LGR6: variants seen among roughly 807,000 people sequenced by gnomAD.
The protein encoded by LGR6 is leucine-rich repeat-containing G protein-coupled receptor 6.
LGR6 carries 45 observed loss-of-function variants against 69.4 expected under a neutral mutation model. The observed-to-expected ratio is 0.65, with a 90% CI of 0.51 to 0.83. The LOEUF (loss-of-function observed/expected upper bound fraction) is 0.83. Ranked by LOEUF, LGR6 falls within the 40% of genes least tolerant of loss-of-function variation. The pLI, the probability that LGR6 is intolerant of heterozygous loss-of-function variation, is 0.00. For missense variants in LGR6, 1,108 were observed against 1,246.7 expected (o/e 0.89, Z 1.68); for synonymous variants, 538 against 555.0 (o/e 0.97, Z 0.43).
chr1:202,259,431 A>C (rs1002871193), intron 4 of LGR6, among the ~76,000 whole-genome samples: 4 of 152,092 alleles, frequency 2.6e-5, no homozygotes, highest in African/African-American at 7.2e-5. Context: ...TAACATTTCT[A>C]ATTTCTTCTT....
chr1:202,229,186 G>A (rs918954789), intron 3 of LGR6, among the ~76,000 whole-genome samples: 7 of 152,066 alleles, frequency 4.6e-5, no homozygotes, highest in Non-Finnish European at 8.8e-5. Flanking sequence ...TGTGTTGTTC[G>A]TCTCTGGCCC....
At chr1:202,265,875 G>A (rs1558047720) in intron 4 of LGR6, among the ~76,000 whole-genome samples, 1 of 152,160 alleles carries the variant, frequency 6.6e-6, no homozygotes, top group African/African-American at 2.4e-5. Flanking sequence ...CGTCTTCAGG[G>A]GTCTTCCCAT....
intron 4 of LGR6, among the ~76,000 whole-genome samples, chr1:202,237,413 G>A (rs1365911429): frequency 2.0e-5 from 3 of 152,224 alleles, no homozygotes; most frequent in African/African-American, 7.2e-5. Context: ...GGAGGAGTGA[G>A]GAGAATTTGA....
At position 202,318,464 on chromosome 1, in the gene LGR6, G is replaced by A. The variant is rs1654344974; in HGVS notation, c.2161G>A (p.Ala721Thr). Residue 721 changes from alanine (A) to threonine (T), a missense_variant, in exon 18 of 18, where the codon GCG becomes ACG. By Grantham distance (58) the Ala-to-Thr change is moderately conservative (BLOSUM62 0). Transcript: ENST00000367278. ...GGCCTCCCCACTCTGCCTGCCCTAC[G>A]CGCCACCTGAGGGTCAGCCAGCAGC... ...YGASPLCLPYAPPEGQPAALG... is the reference protein window; with the variant it reads ...YGASPLCLPYTPPEGQPAALG... The A allele has an allele frequency of 5.0e-6, 8 of 1,613,368 alleles. No individual in the cohort carries two copies. Among genetic ancestry groups the A allele is most frequent in the Admixed American group, 1.7e-5 (1 of 60,012 alleles).
intron 4 of LGR6, among the ~76,000 whole-genome samples, chr1:202,275,668 A>G (rs780070172): frequency 1.3e-5 from 2 of 152,160 alleles, no homozygotes; most frequent in Non-Finnish European, 2.9e-5. Context: ...TTGAAGGGAC[A>G]AGGAACAGGT....
At chr1:202,309,530 C>T (rs1378494738) in intron 15 of LGR6, among the ~76,000 whole-genome samples, 1 of 152,276 alleles carries the variant, frequency 6.6e-6, no homozygotes, top group African/African-American at 2.4e-5. Flanking sequence ...CATCTGAGCC[C>T]CTGGAATCAG....
intron 16 of LGR6, among the ~76,000 whole-genome samples, chr1:202,312,903 G>A (rs1198147472): frequency 6.6e-6 from 1 of 152,090 alleles, no homozygotes; most frequent in East Asian, 1.9e-4. Context: ...ACAGGCCCTA[G>A]TTTGAGAAAC....
intron 9 of LGR6, 115 bp downstream of exon 9, chr1:202,301,350 C>G (rs1357943515): frequency 1.1e-6 from 1 of 870,922 alleles, no homozygotes; most frequent in African/African-American, 1.7e-5. Flanking sequence ...AAGTCCACTG[C>G]AAAGCGTGGT....
intron 6 of LGR6, among the ~76,000 whole-genome samples, chr1:202,285,182 A>G (rs1374707694): frequency 6.6e-6 from 1 of 152,210 alleles, no homozygotes; most frequent in Admixed American, 6.5e-5. Context: ...TTTTACTTCA[A>G]CAGCAACTGT....
intron 4 of LGR6, among the ~76,000 whole-genome samples, chr1:202,243,749 G>A (rs117498395): frequency 1.3e-5 from 2 of 152,124 alleles, no homozygotes; most frequent in Admixed American, 6.5e-5. Context: ...CCAAGTGGGA[G>A]CCCTGGGTGA....
At chr1:202,316,740 G>A (rs788797) in intron 17 of LGR6, among the ~76,000 whole-genome samples, 85,697 of 151,848 alleles carry the variant, frequency 0.56, 25,452 homozygotes, top group East Asian at 0.75. Flanking sequence ...TAATAAGAAA[G>A]AAAAGGTTTA....
chr1:202,275,530 A>G (rs1303469305), intron 4 of LGR6, among the ~76,000 whole-genome samples: 1 of 152,154 alleles, frequency 6.6e-6, no homozygotes, highest in African/African-American at 2.4e-5. Flanking sequence ...ATCACCCACC[A>G]TCTGTTCACC....
At chr1:202,204,711 CTAACACACA>C (rs1659031318) in intron 1 of LGR6, among the ~76,000 whole-genome samples, 1 of 133,360 alleles carries the variant, frequency 7.5e-6, no homozygotes, top group Non-Finnish European at 1.6e-5. Flanking sequence ...ACACACACAC[CTAACACACA>C]CCTCCTTCAA....
intron 4 of LGR6, chr1:202,236,288 G>A (rs552363248): frequency 2.2e-4 from 92 of 420,800 alleles, no homozygotes; most frequent in African/African-American, 1.6e-3. Flanking sequence ...GTCCTGGGGC[G>A]ACTGGTGTTC....
intron 6 of LGR6, among the ~76,000 whole-genome samples, chr1:202,281,522 G>C (rs1380742009): frequency 2.0e-5 from 3 of 152,184 alleles, no homozygotes; most frequent in African/African-American, 7.2e-5. Flanking sequence ...AGTGGGCTGA[G>C]TGGGCCCCAC....
In LGR6 at chr1:202,318,344, C is replaced by T. The variant is rs1654329036; in HGVS notation, c.2041C>T (p.Pro681Ser). The T allele has an allele frequency of 6.3e-7, 1 of 1,597,402 alleles. No individual in the cohort carries two copies. Among genetic ancestry groups the T allele is most frequent in the Non-Finnish European group, 8.5e-7 (1 of 1,171,694 alleles). Residue 681 changes from proline (P) to serine (S), a missense_variant, in exon 18 of 18, where the codon CCC (proline) becomes TCC (serine). By Grantham distance (74) the Pro-to-Ser change is moderately conservative. Coordinates refer to ENST00000367278, the MANE Select transcript of LGR6 (RefSeq NM_001017403.2). ...CTGTGTCCGGGCCTATGGGAAGTCC[C>T]CCTCCCTGGGCAGCGTTCGAGCAGG... Reference protein sequence around the residue: ...VSCVRAYGKSPSLGSVRAGVL... With the variant: ...VSCVRAYGKSSSLGSVRAGVL...
intron 4 of LGR6, among the ~76,000 whole-genome samples, chr1:202,238,997 A>G (rs1388687700): frequency 3.3e-5 from 5 of 151,996 alleles, no homozygotes; most frequent in Non-Finnish European, 7.4e-5. Flanking sequence ...AGCCCCCAAA[A>G]TGGCGTCAGC....
At chr1:202,210,109 G>T (rs1405607468) in intron 1 of LGR6, among the ~76,000 whole-genome samples, 2 of 152,180 alleles carry the variant, frequency 1.3e-5, no homozygotes, top group African/African-American at 2.4e-5. Flanking sequence ...GATGTAAGGG[G>T]CTGACTGAGA....
chr1:202,305,056 A>C (rs1355728257), intron 11 of LGR6, among the ~76,000 whole-genome samples: 1 of 152,106 alleles, frequency 6.6e-6, no homozygotes, highest in Non-Finnish European at 1.5e-5. Context: ...CTTGGACTCC[A>C]ACTTGAATCT....
Sources: gnomAD v4.1 joint callset for allele counts (sites outside exome capture counted in the v4.1 genomes callset) on GRCh38, gnomAD v4.1.1 for gene constraint, MANE v1.5 for transcripts, NCBI Gene and HGNC (gene_info 2026-07-23, HGNC 2026-07-21) for gene names.